TF: variants seen among roughly 807,000 people sequenced by gnomAD.
The protein encoded by TF is serotransferrin.
Under a neutral mutation model 82.4 loss-of-function variants are expected in TF, and 55 were observed. The observed-to-expected ratio is 0.67, with a 90% CI of 0.54 to 0.84. The LOEUF (loss-of-function observed/expected upper bound fraction) is 0.84. Ranked by LOEUF, TF falls within the 40% of genes least tolerant of loss-of-function variation. The probability of loss-of-function intolerance (pLI) is 0.00; values close to 1 mark genes in which losing one functional copy is unlikely to be tolerated. For synonymous variants in TF, 332 were observed against 332.6 expected, an observed-to-expected ratio of 1.00 and a Z score of 0.02; for missense variants, 737 against 868.4, an observed-to-expected ratio of 0.85 and a Z score of 1.90.
chr3:133,736,631 C>CAAAAAAGAAAAAAA, the TF span, among the ~76,000 whole-genome samples: 2,580 of 32,476 alleles, frequency 0.079, 268 homozygotes, highest in Non-Finnish European at 0.11. Context: ...AATGGAAAGC[C>CAAAAAAGAAAAAAA]AAAAAAAAAA....
At chr3:133,749,511 A>G (rs1373161290) in intron 2 of TF, among the ~76,000 whole-genome samples, 1 of 152,170 alleles carries the variant, frequency 6.6e-6, no homozygotes, top group Non-Finnish European at 1.5e-5. Context: ...GGGATGTACA[A>G]TGGAGGGAAA....
the TF span, among the ~76,000 whole-genome samples, chr3:133,679,569 C>CTTTTTTTTTTTTTTTTTTTTT: frequency 5.3e-5 from 4 of 75,388 alleles, no homozygotes; most frequent in Admixed American, 1.8e-4. Flanking sequence ...CTTTGTTTGG[C>CTTTTTTTTTTTTTTTTTTTTT]TTTTTTTTTT....
At chr3:133,665,988 C>T in the TF span, among the ~76,000 whole-genome samples, 9 of 144,468 alleles carry the variant, frequency 6.2e-5, no homozygotes, top group Non-Finnish European at 4.6e-5. Flanking sequence ...ACAAATATGA[C>T]AAAATAGTTA....
upstream of TF, among the ~76,000 whole-genome samples, chr3:133,745,153 A>G (rs1388033924): frequency 2.0e-5 from 3 of 152,254 alleles, no homozygotes; most frequent in African/African-American, 7.2e-5. Flanking sequence ...ATTAGGAGAC[A>G]ATTCTGACAA....
chr3:133,706,885 G>A, the TF span, among the ~76,000 whole-genome samples: 1 of 152,138 alleles, frequency 6.6e-6, no homozygotes, highest in Non-Finnish European at 1.5e-5. Flanking sequence ...ACCCCAGCCC[G>A]GGGATATGCT....
rs1356423594 is a variant in TF at position 133,779,045 on chromosome 3, G to C, written c.*425G>C. ...GTGCACGTGCGCGTGCGTGTGTCATGCTAAGGAAGGGGCAAGAAGGAGGAT... is the reference window on the plus strand; with the variant it reads ...GTGCACGTGCGCGTGCGTGTGTCATCCTAAGGAAGGGGCAAGAAGGAGGAT... On this transcript the variant is annotated 3_prime_UTR_variant, in exon 17 of 17. Coordinates refer to ENST00000402696, the MANE Select transcript of TF (RefSeq NM_001063.4). The C allele has an allele frequency of 4.9e-6, 1 of 205,966 alleles. No individual in the cohort carries two copies. The highest frequency in any genetic ancestry group is 9.9e-6 in the Non-Finnish European group (1 of 101,052). 12.8% of individuals were successfully genotyped at this position (205,966 alleles called of 1,614,324 possible).
At chr3:133,680,740 C>T in the TF span, among the ~76,000 whole-genome samples, 3 of 152,142 alleles carry the variant, frequency 2.0e-5, no homozygotes, top group Non-Finnish European at 4.4e-5. Flanking sequence ...GCATGGGATT[C>T]TGTGTAAGGT....
At chr3:133,741,595 T>C (rs186439946), upstream of TF, among the ~76,000 whole-genome samples, 1 of 152,328 alleles carries the variant, frequency 6.6e-6, no homozygotes, top group East Asian at 1.9e-4. Context: ...TGAGAAAGGT[T>C]TGTCGAATAA....
At chr3:133,736,975 G>C in the TF span, among the ~76,000 whole-genome samples, 3 of 152,098 alleles carry the variant, frequency 2.0e-5, no homozygotes, top group Non-Finnish European at 4.4e-5. Flanking sequence ...GGACCTAATA[G>C]ACATCTACAG....
At chr3:133,745,931 T>C (rs926877342), upstream of TF, 9 of 180,574 alleles carry the variant, frequency 5.0e-5, no homozygotes, top group African/African-American at 2.1e-4. Context: ...GCCCAGCTTG[T>C]TTCTCCTGCA....
rs891843942 is a variant in TF at position 133,786,542 on chromosome 3, G to A, written c.*7922G>A. 5 of 152,180 alleles carry A rather than the reference G, an allele frequency of 3.3e-5. No individual in the cohort carries two copies. Among genetic ancestry groups the A allele is most frequent in the Admixed American group, 1.3e-4 (2 of 15,282 alleles). The allele number at this position is 152,180 out of a possible 1,614,324, so 9.4% of individuals were successfully genotyped here. Reference sequence around the variant, plus strand: ...GTTTTACTTATCTGGGTATATTGTGGATCTAAAGGACAAATGAGTCCTGAC... The same window carrying A: ...GTTTTACTTATCTGGGTATATTGTGAATCTAAAGGACAAATGAGTCCTGAC... On this transcript the variant is annotated 3_prime_UTR_variant, in exon 17 of 17. Coordinates refer to ENST00000402696, the MANE Select transcript of TF (RefSeq NM_001063.4).
chr3:133,770,152 G>A lies in TF; in HGVS notation c.1623-356G>A, dbSNP rs932423760. Reference sequence around the variant, plus strand: ...TCTCACAAATGTTGCCTAGACATTCGCCTTGTATGAGAACCTGAAGGAACT... The same window carrying A: ...TCTCACAAATGTTGCCTAGACATTCACCTTGTATGAGAACCTGAAGGAACT... On this transcript the variant is annotated intron_variant, in intron 13 of 16. Transcript: ENST00000402696. Among the ~76,000 whole-genome samples the A allele has an allele frequency of 2.6e-5, 4 of 152,258 alleles. No individual in the cohort carries two copies. In the East Asian group the frequency reaches 5.8e-4, roughly 22 times the overall value.
the TF span, among the ~76,000 whole-genome samples, chr3:133,740,186 G>T: frequency 2.0e-5 from 3 of 152,110 alleles, no homozygotes; most frequent in Non-Finnish European, 2.9e-5. Context: ...CTTTGCAGGG[G>T]TGTGGATGAA....
At chr3:133,672,325 G>A in the TF span, among the ~76,000 whole-genome samples, 1 of 152,062 alleles carries the variant, frequency 6.6e-6, no homozygotes, top group Admixed American at 6.5e-5. Flanking sequence ...GTATCTTCCA[G>A]AGAATAAGAA....
chr3:133,763,627 C>T (rs1430621427), intron 9 of TF, among the ~76,000 whole-genome samples: 1 of 152,224 alleles, frequency 6.6e-6, no homozygotes, highest in East Asian at 1.9e-4. Context: ...GGAAATCTTA[C>T]AAACCTTGTT....
At chr3:133,736,340 C>T in the TF span, among the ~76,000 whole-genome samples, 3 of 152,128 alleles carry the variant, frequency 2.0e-5, no homozygotes, top group Non-Finnish European at 4.4e-5. Context: ...GTACCAGCCA[C>T]TGCAAAAACA....
chr3:133,766,141 C>G lies in TF; in HGVS notation c.1331-137C>G, dbSNP rs8177329. 7,201 of 864,632 alleles carry G rather than the reference C, an allele frequency of 8.3e-3. 46 individuals are homozygous for G. The highest frequency in any genetic ancestry group is 0.011 in the Non-Finnish European group (5,580 of 507,300). 53.6% of individuals were successfully genotyped at this position (864,632 alleles called of 1,614,324 possible). A position where few individuals can be genotyped will look rare whatever the true frequency, so the allele number is the denominator to read the frequency against. On this transcript the variant is annotated intron_variant, in intron 11 of 16. Coordinates refer to ENST00000402696, the MANE Select transcript of TF (RefSeq NM_001063.4). ...AGAGTTCCTTGTACTTCCCCTCAGTCAGATACTGGGAAGATCCTCTCAAGA... is the reference window on the plus strand; with the variant it reads ...AGAGTTCCTTGTACTTCCCCTCAGTGAGATACTGGGAAGATCCTCTCAAGA...
the TF span, among the ~76,000 whole-genome samples, chr3:133,682,600 A>C: frequency 6.6e-6 from 1 of 152,264 alleles, no homozygotes; most frequent in Non-Finnish European, 1.5e-5. Context: ...AGTGGAAGAA[A>C]GAGTATCAGT....
At chr3:133,664,426 G>A in the TF span, among the ~76,000 whole-genome samples, 46 of 152,160 alleles carry the variant, frequency 3.0e-4, 2 homozygotes, top group East Asian at 8.5e-3. Context: ...GGGTTCAAGC[G>A]ATTCTCCTGC....
Sources: gnomAD v4.1 joint callset for allele counts (sites outside exome capture counted in the v4.1 genomes callset) on GRCh38, gnomAD v4.1.1 for gene constraint, MANE v1.5 for transcripts, NCBI Gene and HGNC (gene_info 2026-07-23, HGNC 2026-07-21) for gene names.